Variants in TENM2 observed in about 807,000 individuals in gnomAD.
The protein encoded by TENM2 is teneurin-2.
A neutral mutation model predicts 245.2 loss-of-function variants in TENM2; 52 were observed. The observed-to-expected ratio is 0.21, with a 90% confidence interval of 0.17 to 0.27. The LOEUF is 0.27. Among genes scored for constraint, TENM2 ranks in the 10% least tolerant of loss-of-function variants. TENM2 has a pLI of 1.00. For synonymous variants in TENM2, 1,363 were observed against 1,438.9 expected, an observed-to-expected ratio of 0.95 and a Z score of 1.19; for missense variants, 3,046 against 3,666.8, an observed-to-expected ratio of 0.83 and a Z score of 4.37.
chr5:167,460,314 A>G (rs1766215007), intron 2 of TENM2, among the ~76,000 whole-genome samples: 1 of 152,222 alleles, frequency 6.6e-6, no homozygotes, highest in African/African-American at 2.4e-5. Flanking sequence ...TTAATAAAAT[A>G]CTATTGGTTT....
At chr5:167,389,959 G>C (rs2127359292) in intron 2 of TENM2, among the ~76,000 whole-genome samples, 1 of 152,222 alleles carries the variant, frequency 6.6e-6, no homozygotes, top group South Asian at 2.1e-4. Flanking sequence ...AAGATAGTGG[G>C]ACGATGCATC....
intron 2 of TENM2, among the ~76,000 whole-genome samples, chr5:167,399,486 A>G (rs754853635): frequency 1.3e-4 from 20 of 152,210 alleles, no homozygotes; most frequent in Non-Finnish European, 2.5e-4. Flanking sequence ...CTAGAAATAC[A>G]AAGATAAATT....
intron 2 of TENM2, 120 bp from the exon 5 acceptor site, chr5:167,875,866 A>C: frequency 3.1e-6 from 2 of 654,034 alleles, no homozygotes; most frequent in Non-Finnish European, 5.2e-6. Context: ...CATCTGGAGC[A>C]GTTCATTTCT....
intron 2 of TENM2, among the ~76,000 whole-genome samples, chr5:167,723,255 A>C (rs1359471918): frequency 6.6e-6 from 1 of 152,070 alleles, no homozygotes; most frequent in East Asian, 1.9e-4. Flanking sequence ...TTATATTCAA[A>C]GTTCATTCCA....
At chr5:167,628,633 G>T (rs1778671680) in intron 2 of TENM2, among the ~76,000 whole-genome samples, 1 of 152,162 alleles carries the variant, frequency 6.6e-6, no homozygotes, top group Non-Finnish European at 1.5e-5. Flanking sequence ...ACAGTACAAG[G>T]TGGTATAGAG....
At chr5:167,705,003 T>C (rs1222237463) in intron 2 of TENM2, among the ~76,000 whole-genome samples, 1 of 152,144 alleles carries the variant, frequency 6.6e-6, no homozygotes, top group Non-Finnish European at 1.5e-5. Flanking sequence ...ATTGAATACT[T>C]TGAAGTTGGT....
chr5:168,099,814 C>T (rs192872516), intron 9 of TENM2, among the ~76,000 whole-genome samples: 2 of 152,262 alleles, frequency 1.3e-5, no homozygotes, highest in African/African-American at 2.4e-5. Context: ...TCTGATGGCA[C>T]GTGCGTGAGA....
At chr5:167,124,868 A>G in the TENM2 span, among the ~76,000 whole-genome samples, 2 of 152,208 alleles carry the variant, frequency 1.3e-5, no homozygotes, top group Admixed American at 6.5e-5. Flanking sequence ...GATCTAAGAT[A>G]GCTAAATGTG....
chr5:167,568,846 A>G (rs2127655867), intron 2 of TENM2, among the ~76,000 whole-genome samples: 1 of 152,244 alleles, frequency 6.6e-6, no homozygotes, highest in East Asian at 1.9e-4. Flanking sequence ...AGAGAAAATA[A>G]AAGAGAACAT....
intron 2 of TENM2, among the ~76,000 whole-genome samples, chr5:167,760,538 T>C (rs1267964382): frequency 6.6e-6 from 1 of 152,214 alleles, no homozygotes; most frequent in Non-Finnish European, 1.5e-5. Context: ...ATTGTTGGCC[T>C]GATTCTGATC....
chr5:168,210,433 A>G (rs557702388), intron 19 of TENM2, among the ~76,000 whole-genome samples: 30 of 152,324 alleles, frequency 2.0e-4, no homozygotes, highest in African/African-American at 7.0e-4. Context: ...TGATATTGCA[A>G]TAATTAAGAG....
At chr5:167,378,527 A>C (rs1760906729) in intron 2 of TENM2, among the ~76,000 whole-genome samples, 2 of 151,976 alleles carry the variant, frequency 1.3e-5, no homozygotes, top group Admixed American at 1.3e-4. Flanking sequence ...CAGGTTCTTT[A>C]ATCCTATCTT....
chr5:167,555,964 C>G lies in TENM2; in HGVS notation c.502+180491C>G, dbSNP rs138034823. 3.4e-3 allele frequency among the ~76,000 whole-genome samples: 520 copies of G among 152,194 alleles called. 7 individuals are homozygous for G. The highest frequency in any genetic ancestry group is 0.012 in the African/African-American group (498 of 41,524). On this transcript the variant is annotated intron_variant, in intron 2 of 28. Coordinates refer to ENST00000518659, the Ensembl canonical transcript of TENM2. ...TTCATTAAAGTGAGCCGCATTAGTTCTCAAATCCTATGTTTGGGGAACCCC... is the reference window on the plus strand; with the variant it reads ...TTCATTAAAGTGAGCCGCATTAGTTGTCAAATCCTATGTTTGGGGAACCCC...
chr5:167,896,109 C>T (rs1244091408), intron 3 of TENM2, among the ~76,000 whole-genome samples: 3 of 152,214 alleles, frequency 2.0e-5, no homozygotes, highest in Non-Finnish European at 4.4e-5. Context: ...CGACCCAGTG[C>T]CAGCATGGCA....
At chr5:168,226,833 G>A (rs1350366688) in intron 24 of TENM2, among the ~76,000 whole-genome samples, 1 of 152,116 alleles carries the variant, frequency 6.6e-6, no homozygotes, top group Non-Finnish European at 1.5e-5. Context: ...AAGCACTGGG[G>A]CTGGCAAGAA....
At position 168,190,658 on chromosome 5, in the gene TENM2, C is replaced by G. The variant is rs987530574; in HGVS notation, c.2780+111C>G. ...GACCCAATTGGCCTGGAATCTGCCC[C>G]CCTAGAGGCAGCTCCCTCCAAGGGG... On this transcript the variant is annotated intron_variant, in intron 14 of 28. Coordinates refer to ENST00000518659, the Ensembl canonical transcript of TENM2. The G allele has an allele frequency of 3.4e-5, 31 of 905,666 alleles. No individual in the cohort carries two copies. In the African/African-American group the frequency reaches 3.8e-4, roughly 11 times the overall value. 56.1% of individuals were successfully genotyped at this position (905,666 alleles called of 1,614,324 possible).
exon 29 of TENM2, chr5:168,262,366 C>T (rs770402602): frequency 8.1e-6 from 13 of 1,603,354 alleles, no homozygotes; most frequent in East Asian, 4.5e-5. Context: ...TTGGCTCAGC[C>T]GATGGCGACC....
chr5:168,013,277 AAC>A (rs1464712024), intron 5 of TENM2, among the ~76,000 whole-genome samples: 2 of 152,212 alleles, frequency 1.3e-5, no homozygotes, highest in Non-Finnish European at 2.9e-5. Context: ...GCCAAAAATC[AAC>A]AGTGTCTGAT....
intron 2 of TENM2, among the ~76,000 whole-genome samples, chr5:167,598,329 C>T (rs1776364991): frequency 6.6e-6 from 1 of 152,142 alleles, no homozygotes; most frequent in Non-Finnish European, 1.5e-5. Context: ...CCCTCATGTG[C>T]AAGTCTCCTG....
Sources: gnomAD v4.1 joint callset for allele counts (sites outside exome capture counted in the v4.1 genomes callset) on GRCh38, gnomAD v4.1.1 for gene constraint, MANE v1.5 for transcripts, NCBI Gene and HGNC (gene_info 2026-07-23, HGNC 2026-07-21) for gene names.